The following ACTR3B variants were observed in gnomAD, a reference collection of about 807,000 sequenced individuals.
The protein encoded by ACTR3B is actin related protein 3B.
A neutral mutation model predicts 59.0 loss-of-function variants in ACTR3B; 8 were observed. The observed-to-expected ratio is 0.14, with a 90% CI of 0.08 to 0.24. The LOEUF is 0.24. Ranked by LOEUF, ACTR3B falls within the 10% of genes least tolerant of loss-of-function variation. The pLI is 1.00. For missense variants in ACTR3B, 245 were observed against 552.3 expected (o/e 0.44, Z 5.58); for synonymous variants, 148 against 197.9 (o/e 0.75, Z 2.12).
intron 1 of ACTR3B, among the ~76,000 whole-genome samples, chr7:152,782,764 G>C (rs1465356847): frequency 6.6e-6 from 1 of 151,762 alleles, no homozygotes; most frequent in Non-Finnish European, 1.5e-5. Context: ...TATGTAGATG[G>C]GAGTTCTTTT....
At chr7:152,826,609 A>G (rs1192755422) in intron 9 of ACTR3B, among the ~76,000 whole-genome samples, 1 of 152,182 alleles carries the variant, frequency 6.6e-6, no homozygotes, top group Non-Finnish European at 1.5e-5. Context: ...CCCACCTGAC[A>G]TTAGCTGTGT....
chr7:152,835,799 T>G (rs986823268), intron 9 of ACTR3B, among the ~76,000 whole-genome samples: 1 of 152,346 alleles, frequency 6.6e-6, no homozygotes. Flanking sequence ...CTACATACTT[T>G]AGTTATTTAT....
intron 2 of ACTR3B, among the ~76,000 whole-genome samples, chr7:152,799,784 G>A (rs1313345556): frequency 2.0e-5 from 3 of 152,250 alleles, no homozygotes; most frequent in African/African-American, 7.2e-5. Flanking sequence ...GAGCTCAAGA[G>A]TGTGAGCAGG....
At chr7:152,830,623 A>T (rs1796949677) in intron 9 of ACTR3B, among the ~76,000 whole-genome samples, 1 of 152,180 alleles carries the variant, frequency 6.6e-6, no homozygotes, top group East Asian at 1.9e-4. Context: ...ATCACAGCTC[A>T]CTGCAGCCTC....
intron 2 of ACTR3B, among the ~76,000 whole-genome samples, chr7:152,791,034 G>C (rs1455793462): frequency 7.0e-6 from 1 of 143,590 alleles, no homozygotes; most frequent in Non-Finnish European, 1.5e-5. Context: ...TTTTTTTTGA[G>C]ACAGAGTCTT....
At chr7:152,784,494 A>T (rs1396523427) in intron 2 of ACTR3B, among the ~76,000 whole-genome samples, 1 of 152,050 alleles carries the variant, frequency 6.6e-6, no homozygotes, top group Non-Finnish European at 1.5e-5. Context: ...GATTTTCTAG[A>T]TCTAAACGCT....
intron 7 of ACTR3B, 24 bp from the exon 8 acceptor site, chr7:152,823,318 C>T (rs1193433059): frequency 6.2e-7 from 1 of 1,609,114 alleles, no homozygotes; most frequent in Non-Finnish European, 8.5e-7. Context: ...TAATGCCTGG[C>T]AACATCTTTG....
At chr7:152,833,805 C>T (rs978692467) in intron 9 of ACTR3B, among the ~76,000 whole-genome samples, 12 of 152,008 alleles carry the variant, frequency 7.9e-5, no homozygotes, top group African/African-American at 2.9e-4. Flanking sequence ...AAAGACAGGG[C>T]CTTTCCATCT....
chr7:152,759,821 G>T lies in ACTR3B; in HGVS notation c.-62G>T. The T allele has an allele frequency of 8.5e-7, 1 of 1,171,814 alleles. No homozygotes were observed. The highest frequency in any genetic ancestry group is 1.1e-6 in the Non-Finnish European group (1 of 944,670). The allele number at this position is 1,171,814 out of a possible 1,614,324, so 72.6% of individuals were successfully genotyped here. ...CTGCGCGCGGGGCTAGCGGGCGGCG[G>T]AGCGGACGGCGACGGGGCGCTCTCG... On this transcript the variant is annotated 5_prime_UTR_variant, in exon 1 of 12. Transcript: ENST00000256001.
At chr7:152,807,874 T>A (rs954388479) in intron 4 of ACTR3B, among the ~76,000 whole-genome samples, 6 of 152,218 alleles carry the variant, frequency 3.9e-5, no homozygotes, top group Admixed American at 2.6e-4. Context: ...TAACTTTTTT[T>A]TATTCTAAAA....
intron 3 of ACTR3B, 122 bp downstream of exon 3, chr7:152,800,777 T>A: frequency 2.4e-6 from 3 of 1,257,420 alleles, no homozygotes; most frequent in Non-Finnish European, 3.2e-6. Context: ...TTCTTATGTT[T>A]GAATAGAGGT....
chr7:152,814,996 C>T (rs1795573057), intron 5 of ACTR3B, among the ~76,000 whole-genome samples: 1 of 151,572 alleles, frequency 6.6e-6, no homozygotes, highest in South Asian at 2.1e-4. Flanking sequence ...TTCCCCTTTC[C>T]GATTTTGGGC....
At chr7:152,775,706 C>A (rs2098134712) in intron 1 of ACTR3B, among the ~76,000 whole-genome samples, 2 of 151,436 alleles carry the variant, frequency 1.3e-5, no homozygotes, top group African/African-American at 4.9e-5. Flanking sequence ...TTGCAGTGAG[C>A]CAAGATCACG....
At chr7:152,843,027 A>G (rs111889453) in intron 9 of ACTR3B, among the ~76,000 whole-genome samples, 1 of 152,144 alleles carries the variant, frequency 6.6e-6, no homozygotes, top group Non-Finnish European at 1.5e-5. Context: ...CTTTTGCCCA[A>G]TTTTAACTGA....
chr7:152,761,020 T>A (rs2098087712), intron 1 of ACTR3B, among the ~76,000 whole-genome samples: 1 of 152,208 alleles, frequency 6.6e-6, no homozygotes, highest in Non-Finnish European at 1.5e-5. Flanking sequence ...TTGACAACCT[T>A]GTGGGGGTGC....
In ACTR3B at chr7:152,759,926, G is replaced by A; in HGVS notation, c.44G>A (p.Gly15Glu). ...CCCTGCGTGGTGGACTGTGGCACCG[G>A]GTAAGAGCAGCTCGGCGCCCACCCC... ...LPPCVVDCGT[G>E]YTKLGYAGNT... Residue 15 changes from glycine to glutamate, a missense_variant and splice_region_variant, in exon 1 of 12, where the codon GGG becomes GAG. By Grantham distance (98) the Gly-to-Glu change is moderately conservative (BLOSUM62 -2). Coordinates refer to ENST00000256001, the MANE Select transcript of ACTR3B (RefSeq NM_020445.6). 1 of 1,388,688 alleles carries A rather than the reference G, an allele frequency of 7.2e-7. No homozygotes were observed. Among genetic ancestry groups the A allele is most frequent in the Non-Finnish European group, 9.4e-7 (1 of 1,062,410 alleles). The allele number at this position is 1,388,688 out of a possible 1,614,324, so 86.0% of individuals were successfully genotyped here.
intron 6 of ACTR3B, 117 bp from the exon 7 acceptor site, chr7:152,820,182 G>A (rs1590360880): frequency 3.3e-6 from 5 of 1,529,828 alleles, no homozygotes; most frequent in East Asian, 4.6e-5. Context: ...TTATGTAAAT[G>A]CTTGTCAGTG....
At chr7:152,778,918 G>T (rs528427641) in intron 1 of ACTR3B, among the ~76,000 whole-genome samples, 15 of 111,382 alleles carry the variant, frequency 1.3e-4, no homozygotes, top group African/African-American at 5.3e-4. Context: ...ACTCCAGCCT[G>T]GGTGACAGAG....
At position 152,824,754 on chromosome 7, in the gene ACTR3B, CTG is replaced by C. The variant is rs1796440535; in HGVS notation, c.859-272_859-271del. Among the ~76,000 whole-genome samples the C allele has an allele frequency of 1.3e-5, 2 of 152,114 alleles. No homozygotes were observed. Among genetic ancestry groups the C allele is most frequent in the African/African-American group, 4.8e-5 (2 of 41,434 alleles). Reference sequence around the variant, plus strand: ...CCACTGCTCTTAGTAGACTGAATCACTGTGTATTCATGGGGTGGGGGTGGTCT... The same window carrying C: ...CCACTGCTCTTAGTAGACTGAATCACTGTATTCATGGGGTGGGGGTGGTCT... On this transcript the variant is annotated intron_variant, in intron 8 of 11. Coordinates refer to ENST00000256001, the MANE Select transcript of ACTR3B (RefSeq NM_020445.6). The surrounding 1 kb of genome is among the most constrained non-coding windows in gnomAD (Gnocchi z 4.2).
Sources: gnomAD v4.1 joint callset for allele counts (sites outside exome capture counted in the v4.1 genomes callset) on GRCh38, gnomAD v4.1.1 for gene constraint, Gnocchi (gnomAD v3.1) non-coding constraint, MANE v1.5 for transcripts, NCBI Gene and HGNC (gene_info 2026-07-23, HGNC 2026-07-21) for gene names.